Variants in MTUS1 observed in about 807,000 individuals in gnomAD.
MTUS1 encodes the protein microtubule-associated tumor suppressor 1.
MTUS1 carries 109 observed loss-of-function variants against 120.8 expected under a neutral mutation model. That is an observed-to-expected ratio of 0.90 (90% confidence interval 0.77 to 1.06). The LOEUF (loss-of-function observed/expected upper bound fraction) is 1.06, where lower values mean the gene tolerates loss of function less well. Among genes scored for constraint, MTUS1 ranks in the 50% least tolerant of loss-of-function variants. The pLI is 0.00. For missense variants in MTUS1, 2,210 were observed against 1,486.3 expected (o/e 1.49, Z -8.01); for synonymous variants, 737 against 550.5 (o/e 1.34, Z -4.74).
chr8:17,746,291 G>C (rs184907674), intron 2 of MTUS1, among the ~76,000 whole-genome samples: 34 of 152,204 alleles, frequency 2.2e-4, no homozygotes, highest in Admixed American at 4.6e-4. Context: ...ACTCTCTCCT[G>C]AGTTTCCCAT....
At chr8:17,759,381 A>G (rs1286300676) in intron 1 of MTUS1, among the ~76,000 whole-genome samples, 2 of 151,226 alleles carry the variant, frequency 1.3e-5, no homozygotes, top group Non-Finnish European at 2.9e-5. Context: ...TTCCCACCTC[A>G]GCCTCCCGAG....
intron 2 of MTUS1, among the ~76,000 whole-genome samples, chr8:17,752,024 G>A (rs756933230): frequency 2.0e-5 from 3 of 152,084 alleles, no homozygotes; most frequent in Non-Finnish European, 4.4e-5. Context: ...GAAAAGTGCT[G>A]TTTCTCCAAG....
intron 1 of MTUS1, among the ~76,000 whole-genome samples, chr8:17,767,296 T>TTGA (rs754421097): frequency 6.6e-6 from 1 of 151,580 alleles, no homozygotes; most frequent in African/African-American, 2.4e-5. Flanking sequence ...TTCTAGACTG[T>TTGA]TGATGATGAT....
At chr8:17,759,351 C>T (rs186646120) in intron 1 of MTUS1, among the ~76,000 whole-genome samples, 1,616 of 151,242 alleles carry the variant, frequency 0.011, 27 homozygotes, top group African/African-American at 0.037. Context: ...GCAGCCTCAA[C>T]CTCCTAGGCT....
At chr8:17,796,973 A>G (rs2052292654) in intron 1 of MTUS1, among the ~76,000 whole-genome samples, 1 of 152,130 alleles carries the variant, frequency 6.6e-6, no homozygotes, top group African/African-American at 2.4e-5. Context: ...TTAGCCAGGC[A>G]TGGTGGCGCA....
intron 8 of MTUS1, among the ~76,000 whole-genome samples, chr8:17,660,827 C>G (rs560007643): frequency 1.3e-5 from 2 of 152,244 alleles, no homozygotes; most frequent in African/African-American, 4.8e-5. Context: ...GATGAAAATC[C>G]TATCCCAGCA....
rs780084426 is a variant in MTUS1, at chr8:17,753,772, T to C, written c.2036A>G (p.Gln679Arg). Reference sequence around the variant, plus strand: ...ATTCATAATCTCTTGTTTCAGCTCTTGTTTTTCCATAGATGTCCCATTTTC... The same window carrying C: ...ATTCATAATCTCTTGTTTCAGCTCTCGTTTTTCCATAGATGTCCCATTTTC... Reference protein sequence around the residue: ...EKENGTSMEKQELKQEIMNET... With the variant: ...EKENGTSMEKRELKQEIMNET... The change falls in exon 2 of 15, where the codon CAA becomes CGA. Residue 679 changes from glutamine to arginine, a missense_variant. Coordinates refer to ENST00000693296, the MANE Select transcript of MTUS1 (RefSeq NM_001363059.2). The C allele has an allele frequency of 6.2e-6, 10 of 1,613,076 alleles. No individual in the cohort carries two copies. The highest frequency in any genetic ancestry group is 8.5e-6 in the Non-Finnish European group (10 of 1,179,828).
chr8:17,673,562 C>A (rs2130627947), intron 8 of MTUS1, among the ~76,000 whole-genome samples: 1 of 152,270 alleles, frequency 6.6e-6, no homozygotes, highest in South Asian at 2.1e-4. Context: ...AGCAATCTTC[C>A]CACCTCACAC....
At chr8:17,777,327 C>T (rs2050525940) in intron 1 of MTUS1, among the ~76,000 whole-genome samples, 1 of 151,846 alleles carries the variant, frequency 6.6e-6, no homozygotes, top group Non-Finnish European at 1.5e-5. Context: ...GTAATCCCAG[C>T]TACTTGGAGG....
intron 3 of MTUS1, among the ~76,000 whole-genome samples, chr8:17,739,330 T>A (rs567940743): frequency 5.3e-5 from 8 of 150,880 alleles, no homozygotes; most frequent in Non-Finnish European, 1.2e-4. Context: ...CCTATCTCTA[T>A]TAAAAATGCA....
rs150242378 is a variant in MTUS1, at chr8:17,790,089, C to A, written c.-155+10972G>T. Among the ~76,000 whole-genome samples the A allele has an allele frequency of 2.6e-4, 40 of 152,270 alleles. No homozygotes were observed. In the East Asian group the frequency reaches 7.0e-3, roughly 26 times the overall value. ...TTCAACTGGGCACGGTGGCTCACAC[C>A]TGTAATCCCAGCACTTTGGGAGGTT... On this transcript the variant is annotated intron_variant, in intron 1 of 14. Transcript: ENST00000693296.
At chr8:17,730,438 T>A (rs1371596967) in intron 3 of MTUS1, among the ~76,000 whole-genome samples, 1 of 145,450 alleles carries the variant, frequency 6.9e-6, no homozygotes, top group African/African-American at 2.6e-5. Context: ...TGAGCTGAGA[T>A]CATGCCACTA....
chr8:17,733,187 C>A (rs2046704577), intron 3 of MTUS1, among the ~76,000 whole-genome samples: 1 of 152,100 alleles, frequency 6.6e-6, no homozygotes, highest in South Asian at 2.1e-4. Context: ...CCTGTCTCTA[C>A]TAAGAATACA....
intron 1 of MTUS1, among the ~76,000 whole-genome samples, chr8:17,780,665 G>C (rs1467156927): frequency 6.6e-6 from 1 of 152,142 alleles, no homozygotes; most frequent in Non-Finnish European, 1.5e-5. Flanking sequence ...CCAGGTCCAA[G>C]CCACCACTGT....
chr8:17,657,203 G>C (rs1307460796), intron 8 of MTUS1, among the ~76,000 whole-genome samples: 2 of 151,698 alleles, frequency 1.3e-5, no homozygotes, highest in African/African-American at 4.8e-5. Context: ...AAATATCTTA[G>C]GGAAAAAAAA....
chr8:17,723,855 A>G (rs2046013629), intron 3 of MTUS1, 22 bp from the exon 4 acceptor site: 3 of 1,530,664 alleles, frequency 2.0e-6, no homozygotes, highest in East Asian at 2.3e-5. Flanking sequence ...AAAAAAACAA[A>G]AAGTTTCCAG....
chr8:17,706,886 A>C (rs1419594389), intron 6 of MTUS1, among the ~76,000 whole-genome samples: 1 of 152,234 alleles, frequency 6.6e-6, no homozygotes, highest in African/African-American at 2.4e-5. Context: ...TTAAAACGAC[A>C]AATTTTAAAA....
At chr8:17,675,750 T>C (rs887632642) in intron 7 of MTUS1, among the ~76,000 whole-genome samples, 19 of 152,356 alleles carry the variant, frequency 1.2e-4, no homozygotes, top group Admixed American at 1.2e-3. Flanking sequence ...TAGAAAGCTA[T>C]AGCAGAAAGA....
At chr8:17,725,588 G>C (rs1446830782) in intron 3 of MTUS1, among the ~76,000 whole-genome samples, 1 of 151,932 alleles carries the variant, frequency 6.6e-6, no homozygotes, top group Admixed American at 6.6e-5. Flanking sequence ...AACTGTATTG[G>C]ACTCCTAAAA....
Sources: gnomAD v4.1 joint callset for allele counts (sites outside exome capture counted in the v4.1 genomes callset) on GRCh38, gnomAD v4.1.1 for gene constraint, MANE v1.5 for transcripts, NCBI Gene and HGNC (gene_info 2026-07-23, HGNC 2026-07-21) for gene names.